The following ZMAT4 variants were observed in gnomAD, a reference collection of about 807,000 sequenced individuals.
ZMAT4 encodes the protein zinc finger matrin-type protein 4.
A neutral mutation model predicts 28.7 loss-of-function variants in ZMAT4; 17 were observed. That is an observed-to-expected ratio of 0.59 (90% CI 0.41 to 0.89). ZMAT4 has a LOEUF of 0.89. Ranked by LOEUF, ZMAT4 falls within the 40% of genes least tolerant of loss-of-function variation. ZMAT4 has a pLI of 0.00. For missense variants in ZMAT4, 240 were observed against 283.8 expected (o/e 0.85, Z 1.11); for synonymous variants, 117 against 109.2 (o/e 1.07, Z -0.44).
intron 6 of ZMAT4, among the ~76,000 whole-genome samples, chr8:40,544,860 A>C (rs1350359686): frequency 6.6e-6 from 1 of 152,190 alleles, no homozygotes. Context: ...ATTGCCTTCA[A>C]AGGTCCCTGA....
chr8:40,554,490 CA>C (rs1196825147), intron 6 of ZMAT4, among the ~76,000 whole-genome samples: 2 of 152,014 alleles, frequency 1.3e-5, no homozygotes, highest in African/African-American at 2.4e-5. Flanking sequence ...AAATGTTAAG[CA>C]ATCATAAACA....
intron 6 of ZMAT4, among the ~76,000 whole-genome samples, chr8:40,554,072 C>A (rs1803448782): frequency 6.6e-6 from 1 of 152,096 alleles, no homozygotes; most frequent in Non-Finnish European, 1.5e-5. Flanking sequence ...CATATCATAG[C>A]ATATCAAAGT....
At chr8:40,858,170 G>A (rs767561213) in intron 1 of ZMAT4, among the ~76,000 whole-genome samples, 1 of 152,158 alleles carries the variant, frequency 6.6e-6, no homozygotes, top group Non-Finnish European at 1.5e-5. Context: ...TTTTTCACAC[G>A]AGAAGACATG....
At chr8:40,603,850 T>C (rs1805487830) in intron 5 of ZMAT4, among the ~76,000 whole-genome samples, 3 of 152,194 alleles carry the variant, frequency 2.0e-5, no homozygotes. Flanking sequence ...CAGGATGGTC[T>C]CAATCTCCTG....
chr8:40,731,298 G>A (rs1811530955), intron 3 of ZMAT4, among the ~76,000 whole-genome samples: 2 of 151,972 alleles, frequency 1.3e-5, no homozygotes, highest in African/African-American at 4.8e-5. Context: ...GGGCGGGGGA[G>A]GGGGGAATTA....
At chr8:40,779,479 C>T (rs916564311) in intron 2 of ZMAT4, among the ~76,000 whole-genome samples, 3 of 151,964 alleles carry the variant, frequency 2.0e-5, no homozygotes, top group South Asian at 2.1e-4. Flanking sequence ...GGTGAGGGCA[C>T]GCAAAGCACC....
chr8:40,739,039 T>C (rs1811892071), intron 3 of ZMAT4, among the ~76,000 whole-genome samples: 1 of 152,204 alleles, frequency 6.6e-6, no homozygotes, highest in Non-Finnish European at 1.5e-5. Context: ...GAAATTGCAT[T>C]CAGTTGTAAA....
chr8:40,731,869 A>G (rs113340296), intron 3 of ZMAT4, among the ~76,000 whole-genome samples: 1,851 of 152,372 alleles, frequency 0.012, 31 homozygotes, highest in African/African-American at 0.04. Flanking sequence ...ATGTATACAT[A>G]TAATGGAATA....
intron 5 of ZMAT4, among the ~76,000 whole-genome samples, chr8:40,596,781 G>C (rs2118598220): frequency 6.6e-6 from 1 of 152,242 alleles, no homozygotes; most frequent in East Asian, 1.9e-4. Flanking sequence ...CAAATCAATA[G>C]AGTTGCCCAT....
chr8:40,767,341 T>C (rs1440005319), intron 3 of ZMAT4, among the ~76,000 whole-genome samples: 3 of 152,160 alleles, frequency 2.0e-5, no homozygotes, highest in Non-Finnish European at 4.4e-5. Context: ...CTTCATCATG[T>C]TGTGGTCCTG....
chr8:40,625,791 T>A (rs1376406034), intron 5 of ZMAT4, among the ~76,000 whole-genome samples: 4 of 151,466 alleles, frequency 2.6e-5, no homozygotes, highest in African/African-American at 9.7e-5. Flanking sequence ...GCCAGGTGAG[T>A]AAATTTGTTA....
intron 2 of ZMAT4, among the ~76,000 whole-genome samples, chr8:40,774,435 C>G (rs972634639): frequency 4.6e-5 from 7 of 152,022 alleles, no homozygotes; most frequent in Non-Finnish European, 1.0e-4. Context: ...TAAATTGATA[C>G]AAGCTTCCTG....
chr8:40,767,884 T>C (rs747022750), intron 2 of ZMAT4, among the ~76,000 whole-genome samples, 154 bp from the exon 3 acceptor site: 2 of 152,178 alleles, frequency 1.3e-5, no homozygotes, highest in Non-Finnish European at 2.9e-5. Flanking sequence ...TAGTTTCAGA[T>C]AGGTTAAGTG....
At chr8:40,572,313 A>T (rs976189694) in intron 6 of ZMAT4, among the ~76,000 whole-genome samples, 8 of 152,190 alleles carry the variant, frequency 5.3e-5, no homozygotes, top group African/African-American at 1.9e-4. Context: ...GGCTTTTGTC[A>T]TGAGGATTCA....
At chr8:40,609,536 C>T (rs1805718662) in intron 5 of ZMAT4, among the ~76,000 whole-genome samples, 2 of 152,190 alleles carry the variant, frequency 1.3e-5, no homozygotes, top group Admixed American at 1.3e-4. Context: ...CATTTTCTCC[C>T]TTTCAATAAG....
intron 1 of ZMAT4, among the ~76,000 whole-genome samples, chr8:40,877,439 G>T (rs571406451): frequency 6.6e-6 from 1 of 152,176 alleles, no homozygotes; most frequent in Non-Finnish European, 1.5e-5. Flanking sequence ...AGGCTGGAAC[G>T]ATTGGCTGCT....
intron 3 of ZMAT4, among the ~76,000 whole-genome samples, chr8:40,738,995 A>T (rs1811889287): frequency 6.6e-6 from 1 of 152,256 alleles, no homozygotes; most frequent in Non-Finnish European, 1.5e-5. Flanking sequence ...TTCCCTCTTT[A>T]CTAGAACCCC....
At chr8:40,703,836 T>C (rs1266837597) in intron 3 of ZMAT4, among the ~76,000 whole-genome samples, 1 of 152,216 alleles carries the variant, frequency 6.6e-6, no homozygotes, top group Non-Finnish European at 1.5e-5. Flanking sequence ...ATTTGAAGCT[T>C]AAGGTGTTGT....
chr8:40,682,038 C>T (rs1292791900), intron 4 of ZMAT4, among the ~76,000 whole-genome samples: 1 of 151,956 alleles, frequency 6.6e-6, no homozygotes, highest in Admixed American at 6.6e-5. Context: ...ACTACTATTA[C>T]TATATATATG....
Sources: allele counts gnomAD v4.1 joint callset (sites outside exome capture counted in the v4.1 genomes callset), GRCh38; gene constraint gnomAD v4.1.1; transcripts MANE v1.5; gene names NCBI Gene and HGNC (gene_info 2026-07-23, HGNC 2026-07-21).